The following DNAH12 variants were observed in gnomAD, a reference collection of about 807,000 sequenced individuals.
DNAH12 encodes the protein dynein axonemal heavy chain 12.
A neutral mutation model predicts 371.5 loss-of-function variants in DNAH12; 285 were observed. The ratio of observed to expected loss-of-function variants is 0.77; its 90% CI spans 0.70 to 0.85. The LOEUF is 0.85. Among genes scored for constraint, DNAH12 ranks in the 40% least tolerant of loss-of-function variants. DNAH12 has a pLI of 0.00. For missense variants in DNAH12, 3,611 were observed against 3,689.4 expected, an observed-to-expected ratio of 0.98 and a Z score of 0.55; for synonymous variants, 1,200 against 1,213.0, an observed-to-expected ratio of 0.99 and a Z score of 0.22.
chr3:57,352,215 T>G lies in DNAH12; in HGVS notation c.9544A>C (p.Lys3182Gln), dbSNP rs912246253. Reference protein sequence around the residue: ...INSIHDSNKSKILEKRLRYLN... With the variant: ...INSIHDSNKSQILEKRLRYLN... Reference sequence around the variant, plus strand: ...TATCGTAGGCGCTTTTCCAAAATCTTGGATTTGTTACTAAAGTTAAAAAGA... The same window carrying G: ...TATCGTAGGCGCTTTTCCAAAATCTGGGATTTGTTACTAAAGTTAAAAAGA... The change falls in exon 60 of 74, where the codon AAG (lysine) becomes CAG (glutamine). Residue 3182 changes from lysine to glutamine, a missense_variant. This residue lies in a region of DNAH12 where 2,266 missense variants were observed against 2,236.9 expected (regional missense o/e 1.01). Transcript: ENST00000495027. 6.5e-7 allele frequency: 1 copy of G among 1,530,852 alleles called. No homozygotes were observed. The highest frequency in any genetic ancestry group is 1.3e-5 in the South Asian group (1 of 78,132). 94.8% of individuals were successfully genotyped at this position (1,530,852 alleles called of 1,614,324 possible). A position where few individuals can be genotyped will look rare whatever the true frequency, so the allele number is the denominator to read the frequency against.
intron 30 of DNAH12, 63 bp from the exon 31 acceptor site, chr3:57,433,891 G>C: frequency 1.5e-6 from 2 of 1,318,874 alleles, no homozygotes; most frequent in African/African-American, 1.5e-5. Flanking sequence ...ATTTATATCA[G>C]TATATAAAAC....
rs1275098564 is a variant in DNAH12, at chr3:57,457,843, G to A, written c.3214C>T (p.Arg1072Ter). The A allele has an allele frequency of 1.0e-5, 16 of 1,551,530 alleles. No homozygotes were observed. Among genetic ancestry groups the A allele is most frequent in the East Asian group, 2.4e-5 (1 of 40,898 alleles). Residue 1072 changes from arginine to a stop codon, truncating the protein, a stop_gained, in exon 22 of 74, where the codon CGA (arginine) becomes TGA (stop). Transcript: ENST00000495027. LOFTEE classifies it high-confidence loss of function. ...GAAATGAGTGCAATCAGCTCCACTC[G>A]CTCGCCCTCAGAGCTATACATGGCT... is the stretch of plus-strand genomic sequence containing the variant. ...IKAMYSSEGERVELIALISTS... is the reference protein window; with the variant it reads ...IKAMYSSEGE
At chr3:57,358,663 T>C (rs2062853117) in intron 58 of DNAH12, among the ~76,000 whole-genome samples, 1 of 152,210 alleles carries the variant, frequency 6.6e-6, no homozygotes, top group Non-Finnish European at 1.5e-5. Context: ...ATTAATGACA[T>C]CTTATGTAAG....
At chr3:57,530,585 C>A in intron 2 of DNAH12, 1 of 640,064 alleles carries the variant, frequency 1.6e-6, no homozygotes, top group Non-Finnish European at 2.9e-6. Flanking sequence ...CCTCAGGAGT[C>A]AGCTTGGCCC....
Position 57,457,803 on chromosome 3 carries a change from C to A in DNAH12, c.3254G>T (p.Arg1085Leu), listed in dbSNP as rs118005324. The change falls in exon 22 of 74, where the codon CGG becomes CTG. Residue 1085 changes from arginine (R) to leucine (L), a missense_variant. Physicochemically the swap from Arg to Leu is moderately radical, Grantham distance 102 (BLOSUM62 -2). Coordinates refer to ENST00000495027, the MANE Select transcript of DNAH12 (RefSeq NM_001366028.2). ...AATGAGCCACTTTTCCACAGCACCC[C>A]GCGCTGCAGACGTGGAAATGAGTGC... ...LIALISTSAA[R>L]GAVEKWLIQV... 5 of 1,551,562 alleles carry A rather than the reference C, an allele frequency of 3.2e-6. No homozygotes were observed. In the East Asian group the frequency reaches 1.2e-4, roughly 38 times the overall value.
intron 2 of DNAH12, among the ~76,000 whole-genome samples, chr3:57,525,172 G>GA (rs1213799567): frequency 7.9e-6 from 1 of 126,756 alleles, no homozygotes; most frequent in Non-Finnish European, 1.7e-5. Context: ...AAAAAAAAAA[G>GA]AAAAAAAATC....
intron 49 of DNAH12, among the ~76,000 whole-genome samples, chr3:57,384,547 G>A (rs1162239381): frequency 3.9e-5 from 6 of 152,094 alleles, no homozygotes; most frequent in Non-Finnish European, 2.9e-5. Context: ...AGGAGGCTAA[G>A]GTAGGAGAAT....
chr3:57,426,678 T>A (rs1003902083), intron 34 of DNAH12, among the ~76,000 whole-genome samples: 3 of 149,718 alleles, frequency 2.0e-5, no homozygotes, highest in Non-Finnish European at 3.0e-5. Flanking sequence ...AAAAAAAAAA[T>A]ATACAAAAAT....
chr3:57,546,222 G>T (rs1385056110), upstream of DNAH12, among the ~76,000 whole-genome samples: 1 of 152,104 alleles, frequency 6.6e-6, no homozygotes, highest in Non-Finnish European at 1.5e-5. Context: ...CCTCATAGGG[G>T]GCACCCCATT....
rs376984126 is a variant in DNAH12, at chr3:57,309,737, A to G, written c.11014T>C (p.Ser3672Pro). Reference protein sequence around the residue: ...FESLLLTQGGSKQTGASGSTD... With the variant: ...FESLLLTQGGPKQTGASGSTD... The stretch of plus-strand genomic sequence containing the variant: ...CTTCCTGAGGCTCCTGTCTGTTTGG[A>G]GCCTCCCTGGGTGAGGAGCAAGGAC... The change falls in exon 68 of 74, where the codon TCC becomes CCC. Residue 3672 changes from serine (S) to proline (P), a missense_variant. Coordinates refer to ENST00000495027, the MANE Select transcript of DNAH12 (RefSeq NM_001366028.2). The G allele has an allele frequency of 1.9e-4, 293 of 1,551,150 alleles. 2 individuals are homozygous for G. In the African/African-American group the frequency reaches 3.6e-3, roughly 19 times the overall value.
chr3:57,354,690 G>C (rs1054083375), intron 59 of DNAH12, among the ~76,000 whole-genome samples: 4 of 151,970 alleles, frequency 2.6e-5, no homozygotes, highest in Non-Finnish European at 5.9e-5. Context: ...TTTATTCATA[G>C]TAACCCCAAA....
intron 33 of DNAH12, 51 bp from the exon 34 acceptor site, chr3:57,428,872 C>A: frequency 6.9e-7 from 1 of 1,452,916 alleles, no homozygotes; most frequent in Non-Finnish European, 9.1e-7. Flanking sequence ...CCAGTGGCAC[C>A]TGGCAATTAT....
At chr3:57,446,316 T>G in intron 26 of DNAH12, 46 bp from the exon 27 acceptor site, 1 of 1,520,308 alleles carries the variant, frequency 6.6e-7, no homozygotes, top group Non-Finnish European at 8.8e-7. Flanking sequence ...CAGGAAAGGA[T>G]ATCATCTCTT....
intron 38 of DNAH12, among the ~76,000 whole-genome samples, chr3:57,414,817 A>C (rs894134334): frequency 5.3e-5 from 8 of 152,216 alleles, no homozygotes; most frequent in African/African-American, 1.9e-4. Flanking sequence ...TTTGAAGTTC[A>C]GTGAAGAACA....
intron 59 of DNAH12, among the ~76,000 whole-genome samples, chr3:57,356,872 A>G (rs1243154022): frequency 1.3e-5 from 2 of 151,800 alleles, no homozygotes; most frequent in Non-Finnish European, 2.9e-5. Flanking sequence ...CCTCCTGAGT[A>G]GCTGGGATTA....
chr3:57,424,284 A>C (rs1024962227), intron 35 of DNAH12, among the ~76,000 whole-genome samples: 1 of 151,396 alleles, frequency 6.6e-6, no homozygotes, highest in African/African-American at 2.4e-5. Context: ...AGCCTGGCCA[A>C]CATGGTGAAA....
At chr3:57,540,035 A>C (rs75156250) in intron 2 of DNAH12, among the ~76,000 whole-genome samples, 3 of 151,384 alleles carry the variant, frequency 2.0e-5, no homozygotes, top group Non-Finnish European at 4.4e-5. Flanking sequence ...TAAAGACACA[A>C]TCCTTTCTGT....
rs1171440628 is a variant in DNAH12, at chr3:57,382,332, A to G, written c.7922T>C (p.Met2641Thr). The G allele has an allele frequency of 6.6e-6, 1 of 152,228 alleles. No homozygotes were observed. The highest frequency in any genetic ancestry group is 1.5e-5 in the Non-Finnish European group (1 of 68,050). The allele number at this position is 152,228 out of a possible 1,614,324, so 9.4% of individuals were successfully genotyped here. ...KNPPSGVKLV[M>T]AAVCVMKDIK... ...ATCTTTCATGACACAAACAGCAGCC[A>G]TAACTAGTTTAACACCAGATGGAGG... Residue 2641 changes from methionine (M) to threonine (T), a missense_variant, in exon 50 of 74, where the codon ATG becomes ACG. Physicochemically the swap from Met to Thr is moderately conservative, Grantham distance 81 (BLOSUM62 -1). Transcript: ENST00000495027.
At chr3:57,428,964 T>C in intron 33 of DNAH12, 143 bp from the exon 34 acceptor site, 3 of 748,802 alleles carry the variant, frequency 4.0e-6, no homozygotes, top group Non-Finnish European at 6.0e-6. Flanking sequence ...AGTCTAGACG[T>C]TCCCCATACA....
Sources: gnomAD v4.1 joint callset for allele counts (sites outside exome capture counted in the v4.1 genomes callset) on GRCh38, gnomAD v4.1.1 for gene constraint, gnomAD v4.1.1 regional missense constraint, MANE v1.5 for transcripts, NCBI Gene and HGNC (gene_info 2026-07-23, HGNC 2026-07-21) for gene names.